Variants in DNAJC3 observed in about 807,000 individuals in gnomAD.
The protein encoded by DNAJC3 is DnaJ heat shock protein family (Hsp40) member C3.
A neutral mutation model predicts 68.6 loss-of-function variants in DNAJC3; 38 were observed. That is an observed-to-expected ratio of 0.55 (90% CI 0.43 to 0.73). The LOEUF (loss-of-function observed/expected upper bound fraction) is 0.73, where lower values mean the gene tolerates loss of function less well. DNAJC3 is among the 30% of genes least tolerant of loss of function. The pLI, the probability that DNAJC3 is intolerant of heterozygous loss-of-function variation, is 0.00. For synonymous variants in DNAJC3, 203 were observed against 204.0 expected (o/e 1.00, Z 0.04); for missense variants, 526 against 591.9 (o/e 0.89, Z 1.16).
intron 9 of DNAJC3, among the ~76,000 whole-genome samples, chr13:95,785,697 C>A (rs1488249094): frequency 6.6e-6 from 1 of 151,416 alleles, no homozygotes; most frequent in East Asian, 1.9e-4. Flanking sequence ...ACTCCTGACC[C>A]TCATGATCCG....
chr13:95,746,033 A>C (rs1044829764), intron 4 of DNAJC3, among the ~76,000 whole-genome samples: 30 of 152,296 alleles, frequency 2.0e-4, no homozygotes, highest in African/African-American at 6.5e-4. Flanking sequence ...GGCTTAGAGC[A>C]GTTTAGTAAC....
chr13:95,686,204 A>C (rs568609326), intron 1 of DNAJC3, among the ~76,000 whole-genome samples: 1 of 151,664 alleles, frequency 6.6e-6, no homozygotes, highest in East Asian at 2.0e-4. Context: ...CTTGTGAGCC[A>C]CCCGCCTTGG....
chr13:95,733,039 A>G (rs577993542), intron 4 of DNAJC3, among the ~76,000 whole-genome samples: 1 of 152,274 alleles, frequency 6.6e-6, no homozygotes, highest in Admixed American at 6.5e-5. Context: ...GTTGATACTT[A>G]TTTTATGGCC....
intron 4 of DNAJC3, among the ~76,000 whole-genome samples, chr13:95,739,332 G>A (rs965171551): frequency 5.3e-5 from 8 of 151,072 alleles, no homozygotes; most frequent in Admixed American, 2.6e-4. Context: ...GAGTATCTTT[G>A]TGGCATTCTC....
chr13:95,757,038 A>G (rs1882683521), intron 4 of DNAJC3, among the ~76,000 whole-genome samples: 1 of 152,204 alleles, frequency 6.6e-6, no homozygotes, highest in Non-Finnish European at 1.5e-5. Flanking sequence ...ATGTCTTTAT[A>G]AAGTTATTTT....
In DNAJC3 at chr13:95,787,041, C is replaced by A; in HGVS notation, c.1243C>A (p.Arg415=). The stretch of plus-strand genomic sequence containing the variant: ...AAAGCAAGAAATTATTAAAGCATAC[C>A]GAAAATTAGCACTGCAGTGGCACCC... ...AKKQEIIKAY[R]KLALQWHPDN... is the part of the protein sequence containing the mutation. The change falls in exon 11 of 12, where the codon CGA becomes AGA. Residue 415 remains arginine, a synonymous_variant. Transcript: ENST00000602402. The A allele has an allele frequency of 1.2e-6, 2 of 1,610,130 alleles. No individual in the cohort carries two copies. Among genetic ancestry groups the A allele is most frequent in the African/African-American group, 1.3e-5 (1 of 74,610 alleles).
At chr13:95,756,217 C>T (rs908761414) in intron 4 of DNAJC3, among the ~76,000 whole-genome samples, 3 of 152,178 alleles carry the variant, frequency 2.0e-5, no homozygotes, top group Non-Finnish European at 4.4e-5. Flanking sequence ...TGACAGTGCA[C>T]ACACATTCAT....
chr13:95,683,988 G>A (rs1268072542), intron 1 of DNAJC3, among the ~76,000 whole-genome samples: 1 of 151,418 alleles, frequency 6.6e-6, no homozygotes, highest in Non-Finnish European at 1.5e-5. Context: ...AGCAATGTGA[G>A]AATGGACTAA....
At chr13:95,760,309 T>C in intron 6 of DNAJC3, 88 bp downstream of exon 6, 1 of 1,171,610 alleles carries the variant, frequency 8.5e-7, no homozygotes, top group Non-Finnish European at 1.1e-6. Flanking sequence ...AATATTAAAT[T>C]AATAAGATGA....
intron 4 of DNAJC3, among the ~76,000 whole-genome samples, chr13:95,748,553 C>T (rs539061705): frequency 7.2e-5 from 11 of 152,260 alleles, no homozygotes; most frequent in African/African-American, 2.4e-4. Context: ...AGGTGGCTCA[C>T]GCCTGTAATC....
Position 95,760,753 on chromosome 13 carries a change from TTAA to T in DNAJC3, c.807_809del (p.Asn269del). On this transcript the variant is annotated inframe_deletion, in exon 7 of 12. Coordinates refer to ENST00000602402, the MANE Select transcript of DNAJC3 (RefSeq NM_006260.5). ...GCACACTATAAACAAGTAAAGAAACTTAATAAGCTGATTGAGTCAGCTGAAGAG... is the reference window on the plus strand; with the variant it reads ...GCACACTATAAACAAGTAAAGAAACTTAAGCTGATTGAGTCAGCTGAAGAG... 6.2e-7 allele frequency: 1 copy of T among 1,612,774 alleles called. No homozygotes were observed. Among genetic ancestry groups the T allele is most frequent in the Non-Finnish European group, 8.5e-7 (1 of 1,179,412 alleles).
chr13:95,715,933 G>T (rs967635958), intron 2 of DNAJC3, among the ~76,000 whole-genome samples: 3 of 151,576 alleles, frequency 2.0e-5, no homozygotes, highest in African/African-American at 7.3e-5. Flanking sequence ...AAGGTGGGCG[G>T]ATCACCTGAG....
At chr13:95,765,215 A>C (rs1882958303) in intron 9 of DNAJC3, among the ~76,000 whole-genome samples, 1 of 152,020 alleles carries the variant, frequency 6.6e-6, no homozygotes, top group Non-Finnish European at 1.5e-5. Flanking sequence ...CACATAGAAA[A>C]TCCCTTTAGC....
At chr13:95,771,405 G>A (rs1202970450) in intron 9 of DNAJC3, among the ~76,000 whole-genome samples, 2 of 152,162 alleles carry the variant, frequency 1.3e-5, no homozygotes, top group South Asian at 2.1e-4. Flanking sequence ...TGGGGAGAGA[G>A]ATTGGGTTTG....
chr13:95,755,089 A>G (rs1238184929), intron 4 of DNAJC3, among the ~76,000 whole-genome samples: 1 of 152,176 alleles, frequency 6.6e-6, no homozygotes, highest in Non-Finnish European at 1.5e-5. Flanking sequence ...CATTCTCTAC[A>G]TGCAGGTGTA....
intron 2 of DNAJC3, among the ~76,000 whole-genome samples, chr13:95,722,110 T>G (rs187803267): frequency 3.3e-4 from 50 of 152,366 alleles, no homozygotes; most frequent in Non-Finnish European, 5.6e-4. Flanking sequence ...GAAGGATTGT[T>G]CTGCAGCAGA....
intron 2 of DNAJC3, among the ~76,000 whole-genome samples, chr13:95,716,352 C>T (rs1202877925): frequency 3.9e-5 from 6 of 152,260 alleles, no homozygotes; most frequent in African/African-American, 7.2e-5. Flanking sequence ...CTTTTGGGCT[C>T]CGGCCCCACG....
chr13:95,772,716 GTTTC>G (rs762421152), intron 9 of DNAJC3, among the ~76,000 whole-genome samples: 2 of 152,054 alleles, frequency 1.3e-5, no homozygotes, highest in Non-Finnish European at 2.9e-5. Context: ...AATATTTGCT[GTTTC>G]TTTTTGTTAC....
intron 1 of DNAJC3, among the ~76,000 whole-genome samples, chr13:95,692,241 T>C (rs1880292784): frequency 6.6e-6 from 1 of 152,178 alleles, no homozygotes; most frequent in Non-Finnish European, 1.5e-5. Flanking sequence ...GAAAAATGTA[T>C]ATTTTGTGGT....
Sources: gnomAD v4.1 joint callset for allele counts (sites outside exome capture counted in the v4.1 genomes callset) on GRCh38, gnomAD v4.1.1 for gene constraint, MANE v1.5 for transcripts, NCBI Gene and HGNC (gene_info 2026-07-23, HGNC 2026-07-21) for gene names.